The following MAPK10 variants were observed in gnomAD, a reference collection of about 807,000 sequenced individuals.
MAPK10 encodes JNK3 alpha protein kinase.
A neutral mutation model predicts 59.3 loss-of-function variants in MAPK10; 25 were observed. The ratio of observed to expected loss-of-function variants is 0.42; its 90% CI spans 0.31 to 0.59. The LOEUF is 0.59. Among genes scored for constraint, MAPK10 ranks in the 20% least tolerant of loss-of-function variants. MAPK10 has a pLI of 0.15. For synonymous variants in MAPK10, 190 were observed against 200.5 expected (o/e 0.95, Z 0.44); for missense variants, 351 against 568.9 (o/e 0.62, Z 3.90).
intron 2 of MAPK10, among the ~76,000 whole-genome samples, chr4:86,318,560 T>A (rs2095833212): frequency 6.6e-6 from 1 of 151,982 alleles, no homozygotes; most frequent in South Asian, 2.1e-4. Context: ...TAAGGAGAAA[T>A]AATCTGCCCA....
intron 7 of MAPK10, chr4:86,101,514 T>C (rs889721816): frequency 1.3e-5 from 5 of 385,540 alleles, no homozygotes; most frequent in Non-Finnish European, 2.4e-5. Flanking sequence ...TAGGACAACA[T>C]AAATCTTTCA....
At chr4:86,107,491 G>A in intron 4 of MAPK10, 139 bp from the exon 5 acceptor site, 1 of 1,340,898 alleles carries the variant, frequency 7.5e-7, no homozygotes, top group Non-Finnish European at 9.6e-7. Flanking sequence ...TGCCAATCAG[G>A]CTTTAAGTAA....
At chr4:86,416,923 G>A (rs1365451906) in intron 1 of MAPK10, among the ~76,000 whole-genome samples, 1 of 152,136 alleles carries the variant, frequency 6.6e-6, no homozygotes, top group Non-Finnish European at 1.5e-5. Flanking sequence ...AGAACCTGCT[G>A]CTGGAATTGT....
At chr4:86,400,236 T>G (rs546419727) in intron 1 of MAPK10, among the ~76,000 whole-genome samples, 1 of 152,316 alleles carries the variant, frequency 6.6e-6, no homozygotes, top group Non-Finnish European at 1.5e-5. Context: ...CATTACATGC[T>G]GATTATTTTT....
chr4:86,419,666 A>G (rs894081220), intron 1 of MAPK10, among the ~76,000 whole-genome samples: 1 of 152,206 alleles, frequency 6.6e-6, no homozygotes, highest in African/African-American at 2.4e-5. Flanking sequence ...AAATGAAATA[A>G]TGTTTTATAA....
chr4:86,371,061 T>A (rs1218257044), intron 1 of MAPK10, among the ~76,000 whole-genome samples: 1 of 152,202 alleles, frequency 6.6e-6, no homozygotes, highest in Non-Finnish European at 1.5e-5. Flanking sequence ...AGGCAAAATA[T>A]ACAAACCAAA....
In MAPK10 at chr4:86,273,464, G is replaced by C. The variant is rs538514463; in HGVS notation, c.-6-79057C>G. Among the ~76,000 whole-genome samples, 19 of 151,962 alleles carry C rather than the reference G, an allele frequency of 1.3e-4. No individual in the cohort carries two copies. In the South Asian group the frequency reaches 4.0e-3, roughly 32 times the overall value. Reference sequence around the variant, plus strand: ...CTCATGGCCTCACAGAAGTCAAAAAGGTATTTTAGGAGAAACCAGTACAAA... The same window carrying C: ...CTCATGGCCTCACAGAAGTCAAAAACGTATTTTAGGAGAAACCAGTACAAA... On this transcript the variant is annotated intron_variant, in intron 2 of 13. Coordinates refer to ENST00000641462, the MANE Select transcript of MAPK10 (RefSeq NM_138982.4).
chr4:86,184,712 G>A lies in MAPK10; in HGVS notation c.66+9624C>T, dbSNP rs76310976. On this transcript the variant is annotated intron_variant, in intron 3 of 13. Transcript: ENST00000641462. The stretch of plus-strand genomic sequence containing the variant: ...TCCCTGCTTTCTCTCTTGCTCCCAC[G>A]CTGGCCGTGTGAGATGCCTGCTCCT... 4.4e-3 allele frequency among the ~76,000 whole-genome samples: 671 copies of A among 152,150 alleles called. 6 individuals are homozygous for A. The highest frequency in any genetic ancestry group is 0.015 in the African/African-American group (639 of 41,510).
intron 2 of MAPK10, among the ~76,000 whole-genome samples, chr4:86,229,098 C>A (rs2148659983): frequency 6.6e-6 from 1 of 152,230 alleles, no homozygotes; most frequent in South Asian, 2.1e-4. Context: ...GGTTGCCCAG[C>A]AACACTCTGT....
chr4:86,188,508 CT>C (rs2078832031), intron 3 of MAPK10, among the ~76,000 whole-genome samples: 2 of 152,188 alleles, frequency 1.3e-5, no homozygotes, highest in Non-Finnish European at 2.9e-5. Context: ...TGATGAAGAG[CT>C]TTTTTTCATA....
At chr4:86,140,952 T>TCTCTAA (rs2063519035) in intron 4 of MAPK10, among the ~76,000 whole-genome samples, 1 of 152,172 alleles carries the variant, frequency 6.6e-6, no homozygotes, top group Non-Finnish European at 1.5e-5. Context: ...AAACATAAAT[T>TCTCTAA]ATGCATTTCT....
At chr4:86,092,236 T>C (rs2053371258) in intron 9 of MAPK10, among the ~76,000 whole-genome samples, 1 of 152,140 alleles carries the variant, frequency 6.6e-6, no homozygotes, top group South Asian at 2.1e-4. Flanking sequence ...TGGGTGATAA[T>C]ATCCTGGAAA....
intron 9 of MAPK10, among the ~76,000 whole-genome samples, chr4:86,094,094 A>G (rs1326431494): frequency 6.6e-6 from 1 of 151,966 alleles, no homozygotes; most frequent in Non-Finnish European, 1.5e-5. Flanking sequence ...TATTTCAAAG[A>G]GGTAAGAAGA....
chr4:86,022,137 G>A (rs1279254227), intron 13 of MAPK10, among the ~76,000 whole-genome samples: 1 of 152,226 alleles, frequency 6.6e-6, no homozygotes, highest in African/African-American at 2.4e-5. Flanking sequence ...GAGCAAGCGA[G>A]GGCTCTGAGG....
chr4:86,411,828 A>G (rs1745208708), intron 1 of MAPK10, among the ~76,000 whole-genome samples: 1 of 151,872 alleles, frequency 6.6e-6, no homozygotes, highest in Non-Finnish European at 1.5e-5. Context: ...AACACAGCAC[A>G]CTGATGGGTC....
chr4:86,278,575 G>A (rs536566828), intron 2 of MAPK10, among the ~76,000 whole-genome samples: 9 of 152,220 alleles, frequency 5.9e-5, no homozygotes, highest in East Asian at 1.9e-4. Flanking sequence ...CTAAATATTG[G>A]AAGTGTTAAA....
At chr4:86,164,051 TAGTC>T in intron 3 of MAPK10, among the ~76,000 whole-genome samples, 1 of 152,246 alleles carries the variant, frequency 6.6e-6, no homozygotes, top group East Asian at 1.9e-4. Context: ...ATGTTTCTGA[TAGTC>T]AGTTCCTGAG....
chr4:86,037,541 T>G (rs13353771), intron 11 of MAPK10, among the ~76,000 whole-genome samples: 34,386 of 151,934 alleles, frequency 0.23, 4,088 homozygotes, highest in South Asian at 0.26. Flanking sequence ...AAGTTGCCCT[T>G]TCTTGTGACT....
intron 1 of MAPK10, among the ~76,000 whole-genome samples, chr4:86,412,912 CAA>C (rs1396888258): frequency 6.6e-6 from 1 of 152,194 alleles, no homozygotes; most frequent in Admixed American, 6.5e-5. Context: ...GTAAACTCAT[CAA>C]AGTTATTCTC....
Sources: gnomAD v4.1 joint callset for allele counts (sites outside exome capture counted in the v4.1 genomes callset) on GRCh38, gnomAD v4.1.1 for gene constraint, MANE v1.5 for transcripts, NCBI Gene and HGNC (gene_info 2026-07-23, HGNC 2026-07-21) for gene names.